CAMK2D: variants seen among roughly 807,000 people sequenced by gnomAD.
The protein encoded by CAMK2D is calcium/calmodulin dependent protein kinase II delta.
Under a neutral mutation model 84.0 loss-of-function variants are expected in CAMK2D, and 37 were observed. The observed-to-expected ratio is 0.44, with a 90% confidence interval of 0.34 to 0.58. CAMK2D has a LOEUF of 0.58. CAMK2D is among the 20% of genes least tolerant of loss of function. The probability of loss-of-function intolerance (pLI) is 0.02; values close to 1 mark genes in which losing one functional copy is unlikely to be tolerated. For missense variants in CAMK2D, 448 were observed against 652.5 expected, an observed-to-expected ratio of 0.69 and a Z score of 3.41; for synonymous variants, 202 against 212.5, an observed-to-expected ratio of 0.95 and a Z score of 0.43.
intron 18 of CAMK2D, among the ~76,000 whole-genome samples, chr4:113,459,170 T>C (rs1287719980): frequency 4.6e-5 from 7 of 152,190 alleles, no homozygotes; most frequent in Non-Finnish European, 7.3e-5. Context: ...ATGTTAAATA[T>C]TTTGGCATGG....
chr4:113,637,171 TA>T (rs2099113270), intron 3 of CAMK2D, among the ~76,000 whole-genome samples: 10 of 152,176 alleles, frequency 6.6e-5, no homozygotes, highest in African/African-American at 1.9e-4. Context: ...ATAGAAGCAG[TA>T]TAAGGGCAAA....
At chr4:113,613,548 A>T (rs2099009353) in intron 3 of CAMK2D, among the ~76,000 whole-genome samples, 1 of 152,196 alleles carries the variant, frequency 6.6e-6, no homozygotes, top group Non-Finnish European at 1.5e-5. Context: ...TTTTGACTGT[A>T]GGTTTAAAAT....
At chr4:113,717,298 T>C (rs2099516527) in intron 2 of CAMK2D, among the ~76,000 whole-genome samples, 1 of 152,166 alleles carries the variant, frequency 6.6e-6, no homozygotes, top group African/African-American at 2.4e-5. Flanking sequence ...AGAAAATGTT[T>C]ATTAAAAAAA....
intron 2 of CAMK2D, among the ~76,000 whole-genome samples, chr4:113,710,195 A>C (rs549695437): frequency 5.2e-4 from 79 of 152,104 alleles, no homozygotes; most frequent in Non-Finnish European, 9.0e-4. Context: ...AGATGATAGC[A>C]GGTTAAGTTA....
At chr4:113,674,671 A>G (rs2099310894) in intron 2 of CAMK2D, among the ~76,000 whole-genome samples, 1 of 152,164 alleles carries the variant, frequency 6.6e-6, no homozygotes, top group African/African-American at 2.4e-5. Context: ...TCTACTGCCC[A>G]CCTGCTAAAT....
chr4:113,646,021 G>A (rs910379261), intron 3 of CAMK2D, among the ~76,000 whole-genome samples: 1 of 152,206 alleles, frequency 6.6e-6, no homozygotes, highest in African/African-American at 2.4e-5. Context: ...CATGTGGTTT[G>A]TTGACTTAGC....
rs1056499603 is a variant in CAMK2D at position 113,451,606 on chromosome 4, G to C, written c.*2939C>G. On this transcript the variant is annotated 3_prime_UTR_variant, in exon 21 of 21. Coordinates refer to ENST00000511664, the MANE Select transcript of CAMK2D (RefSeq NM_001321571.2). ...AAGGACTATCTGGGTACCCCTTGAG[G>C]CTTCTGTTATCAAAAGGGCTTGGCC... The C allele has an allele frequency of 6.6e-6, 1 of 152,142 alleles. No homozygotes were observed. The highest frequency in any genetic ancestry group is 2.4e-5 in the African/African-American group (1 of 41,438). The allele number at this position is 152,142 out of a possible 1,614,324, so 9.4% of individuals were successfully genotyped here.
intron 2 of CAMK2D, among the ~76,000 whole-genome samples, chr4:113,745,321 C>T (rs2099601835): frequency 6.6e-6 from 1 of 152,198 alleles, no homozygotes; most frequent in Admixed American, 6.5e-5. Context: ...TCCTTCTATG[C>T]ACTGCCACTT....
rs1298341709 is a variant in CAMK2D, at chr4:113,709,746, G to GATATATAC, written c.161-47975_161-47974insGTATATAT. 1.2e-3 allele frequency among the ~76,000 whole-genome samples: 60 copies of GATATATAC among 49,806 alleles called. 3 individuals carry two copies. The highest frequency in any genetic ancestry group is 1.6e-3 in the African/African-American group (14 of 8,928). The allele number at this position is 49,806 out of a possible 152,430, so 32.7% of individuals were successfully genotyped here. A position where few individuals can be genotyped will look rare whatever the true frequency, so the allele number is the denominator to read the frequency against. ...GAGTGAAAAGCTAAAAGCCGTGAAC[G>GATATATAC]ATATATATATATATATATATATATA... is the stretch of plus-strand genomic sequence containing the variant. On this transcript the variant is annotated intron_variant, in intron 2 of 20. Transcript: ENST00000511664.
chr4:113,609,991 C>T (rs2098993250), intron 3 of CAMK2D, among the ~76,000 whole-genome samples: 1 of 152,170 alleles, frequency 6.6e-6, no homozygotes, highest in Non-Finnish European at 1.5e-5. Flanking sequence ...TCATAAGCCC[C>T]ACACCTTGTC....
intron 16 of CAMK2D, among the ~76,000 whole-genome samples, chr4:113,469,168 A>G (rs568478225): frequency 6.6e-6 from 1 of 152,234 alleles, no homozygotes; most frequent in Non-Finnish European, 1.5e-5. Flanking sequence ...AAACAAAATA[A>G]AACCCAAGAA....
At chr4:113,566,523 T>C (rs2098724795) in intron 4 of CAMK2D, among the ~76,000 whole-genome samples, 1 of 152,238 alleles carries the variant, frequency 6.6e-6, no homozygotes, top group Non-Finnish European at 1.5e-5. Context: ...GATCTTTAAA[T>C]CTTCCAACAC....
At chr4:113,609,112 A>T in intron 4 of CAMK2D, 40 bp downstream of exon 4, 1 of 1,119,372 alleles carries the variant, frequency 8.9e-7, no homozygotes, top group African/African-American at 1.5e-5. Flanking sequence ...ACGGTCCTCA[A>T]TTAGATTGCA....
chr4:113,743,037 C>T (rs1193474594), intron 2 of CAMK2D, among the ~76,000 whole-genome samples: 1 of 152,160 alleles, frequency 6.6e-6, no homozygotes, highest in Non-Finnish European at 1.5e-5. Context: ...CCAGGTTTCA[C>T]TTTCAAGTAG....
chr4:113,666,166 G>C (rs549181286), intron 2 of CAMK2D, among the ~76,000 whole-genome samples: 6 of 152,226 alleles, frequency 3.9e-5, no homozygotes, highest in African/African-American at 1.4e-4. Flanking sequence ...CTCAACGATA[G>C]AAATATCACT....
chr4:113,648,292 T>C (rs1469735419), intron 3 of CAMK2D, among the ~76,000 whole-genome samples: 1 of 152,202 alleles, frequency 6.6e-6, no homozygotes, highest in Non-Finnish European at 1.5e-5. Context: ...AGAATGAAAG[T>C]AATCTAAGAA....
At chr4:113,545,277 A>G (rs1484460313) in intron 6 of CAMK2D, among the ~76,000 whole-genome samples, 3 of 152,192 alleles carry the variant, frequency 2.0e-5, no homozygotes, top group Non-Finnish European at 4.4e-5. Context: ...ATTGTACAGC[A>G]CTTATATCCT....
At chr4:113,584,528 C>G (rs2098825172) in intron 4 of CAMK2D, among the ~76,000 whole-genome samples, 1 of 152,180 alleles carries the variant, frequency 6.6e-6, no homozygotes, top group African/African-American at 2.4e-5. Context: ...CCTGAGGAAG[C>G]AGGCTCAGCA....
intron 4 of CAMK2D, among the ~76,000 whole-genome samples, chr4:113,578,413 A>C (rs2098793623): frequency 6.6e-6 from 1 of 152,198 alleles, no homozygotes; most frequent in Non-Finnish European, 1.5e-5. Context: ...GTTAATGACC[A>C]AGCCACACTG....
Sources: gnomAD v4.1 joint callset for allele counts (sites outside exome capture counted in the v4.1 genomes callset) on GRCh38, gnomAD v4.1.1 for gene constraint, MANE v1.5 for transcripts, NCBI Gene and HGNC (gene_info 2026-07-23, HGNC 2026-07-21) for gene names.